FRMD4A: variants seen among roughly 807,000 people sequenced by gnomAD.
The protein encoded by FRMD4A is FERM domain-containing protein 4A.
Under a neutral mutation model 129.1 loss-of-function variants are expected in FRMD4A, and 29 were observed. The observed-to-expected ratio is 0.22, with a 90% CI of 0.17 to 0.31. The LOEUF (loss-of-function observed/expected upper bound fraction) is 0.31, where lower values mean the gene tolerates loss of function less well. FRMD4A is among the 10% of genes least tolerant of loss of function. FRMD4A has a pLI of 1.00. For missense variants in FRMD4A, 1,272 were observed against 1,375.8 expected (o/e 0.92, Z 1.19); for synonymous variants, 634 against 571.6 (o/e 1.11, Z -1.56).
intron 2 of FRMD4A, among the ~76,000 whole-genome samples, chr10:14,035,362 A>G (rs1833448191): frequency 6.6e-6 from 1 of 151,866 alleles, no homozygotes; most frequent in Non-Finnish European, 1.5e-5. Context: ...CAGTGAGCCA[A>G]GATCACGCCA....
chr10:14,327,588 G>A (rs1460758439), intron 2 of FRMD4A, among the ~76,000 whole-genome samples: 3 of 152,202 alleles, frequency 2.0e-5, no homozygotes, highest in African/African-American at 4.8e-5. Flanking sequence ...GGCCGCTTCT[G>A]TAACCAATTA....
chr10:13,851,908 A>G (rs1175818101), intron 3 of FRMD4A, among the ~76,000 whole-genome samples: 1 of 147,588 alleles, frequency 6.8e-6, no homozygotes, highest in African/African-American at 2.5e-5. Flanking sequence ...CAAAAATTAA[A>G]AAAAAAAAAA....
intron 2 of FRMD4A, among the ~76,000 whole-genome samples, chr10:13,869,386 C>A (rs1391096235): frequency 3.3e-5 from 5 of 152,228 alleles, no homozygotes. Context: ...GAGGTGGGTG[C>A]ACTTTCCACC....
chr10:13,758,542 C>T lies in FRMD4A; in HGVS notation c.464+3105G>A, dbSNP rs554539648. On this transcript the variant is annotated intron_variant, in intron 8 of 24. Coordinates refer to ENST00000357447, the MANE Select transcript of FRMD4A (RefSeq NM_018027.5). Reference sequence around the variant, plus strand: ...TAAGGAAACCTGCACAGGGTCTTGCCCGGGCGTGCCTGCAAGGGACTGGGG... The same window carrying T: ...TAAGGAAACCTGCACAGGGTCTTGCTCGGGCGTGCCTGCAAGGGACTGGGG... Among the ~76,000 whole-genome samples, 3 of 152,258 alleles carry T rather than the reference C, an allele frequency of 2.0e-5. No individual in the cohort carries two copies. The East Asian group carries it at 5.8e-4, about 29-fold the overall frequency.
intron 15 of FRMD4A, chr10:13,684,483 T>G: frequency 4.1e-6 from 4 of 985,260 alleles, no homozygotes; most frequent in Non-Finnish European, 4.8e-6. Context: ...CAGCTGGGTG[T>G]GGAGGAGCGG....
chr10:14,107,315 T>C (rs1837638321), intron 2 of FRMD4A, among the ~76,000 whole-genome samples: 1 of 152,154 alleles, frequency 6.6e-6, no homozygotes, highest in Non-Finnish European at 1.5e-5. Context: ...AATATACCTG[T>C]GTAACAAACC....
At chr10:14,018,179 G>A (rs2095705030) in intron 2 of FRMD4A, among the ~76,000 whole-genome samples, 1 of 151,942 alleles carries the variant, frequency 6.6e-6, no homozygotes, top group Admixed American at 6.6e-5. Context: ...GGGTGCAGTG[G>A]CTCACATCTG....
chr10:14,241,505 A>G (rs1017642669), intron 2 of FRMD4A, among the ~76,000 whole-genome samples: 1 of 152,000 alleles, frequency 6.6e-6, no homozygotes, highest in African/African-American at 2.4e-5. Context: ...TTTATTTTTA[A>G]TTCTTGGTTA....
intron 9 of FRMD4A, 134 bp downstream of exon 9, chr10:13,747,602 C>T: frequency 2.2e-6 from 1 of 445,572 alleles, no homozygotes; most frequent in Non-Finnish European, 4.0e-6. Context: ...TTCAGGAAGA[C>T]ACAGGGTACT....
chr10:13,908,519 A>T (rs1263474487), intron 2 of FRMD4A, among the ~76,000 whole-genome samples: 1 of 152,252 alleles, frequency 6.6e-6, no homozygotes, highest in African/African-American at 2.4e-5. Flanking sequence ...AGATTTATCA[A>T]TATGAGTGTT....
chr10:13,670,665 G>A, intron 16 of FRMD4A, 137 bp from the exon 17 acceptor site: 2 of 741,302 alleles, frequency 2.7e-6, no homozygotes, highest in Non-Finnish European at 4.4e-6. Flanking sequence ...GCTTATGCTA[G>A]AAATGTTCAC....
intron 2 of FRMD4A, among the ~76,000 whole-genome samples, chr10:13,881,382 C>T (rs769397304): frequency 1.3e-5 from 2 of 152,010 alleles, no homozygotes; most frequent in African/African-American, 2.4e-5. Context: ...ATGATTGCAC[C>T]ACTGCACTCC....
intron 2 of FRMD4A, among the ~76,000 whole-genome samples, chr10:13,970,293 C>A (rs1298876967): frequency 2.1e-5 from 3 of 145,476 alleles, no homozygotes; most frequent in South Asian, 2.1e-4. Flanking sequence ...GGGTCTACCC[C>A]CCGCCTGCCC....
intron 2 of FRMD4A, among the ~76,000 whole-genome samples, chr10:14,263,639 G>T (rs928427907): frequency 1.3e-5 from 2 of 152,168 alleles, no homozygotes; most frequent in Non-Finnish European, 2.9e-5. Flanking sequence ...TAGAGGTGAA[G>T]CCATCAAGGA....
intron 4 of FRMD4A, among the ~76,000 whole-genome samples, chr10:13,802,940 G>A (rs887614879): frequency 6.6e-6 from 1 of 152,118 alleles, no homozygotes; most frequent in Non-Finnish European, 1.5e-5. Context: ...CTGAAGCCAG[G>A]AGTTCGAGAC....
chr10:13,669,595 A>C (rs2083349969), intron 17 of FRMD4A, among the ~76,000 whole-genome samples: 1 of 152,188 alleles, frequency 6.6e-6, no homozygotes, highest in Non-Finnish European at 1.5e-5. Flanking sequence ...CCCTGGCTCT[A>C]AGTCCTGACC....
chr10:13,934,744 A>T (rs895889530), intron 2 of FRMD4A, among the ~76,000 whole-genome samples: 1 of 152,220 alleles, frequency 6.6e-6, no homozygotes, highest in Admixed American at 6.5e-5. Flanking sequence ...ATAAACTAGA[A>T]ATGGAACACA....
At chr10:14,094,712 G>C (rs1480954329) in intron 2 of FRMD4A, among the ~76,000 whole-genome samples, 1 of 152,206 alleles carries the variant, frequency 6.6e-6, no homozygotes, top group Non-Finnish European at 1.5e-5. Flanking sequence ...TGGTGACTCT[G>C]TTCTGTCCAG....
chr10:13,982,145 CT>C lies in FRMD4A; in HGVS notation c.46-123234del, dbSNP rs201974141. On this transcript the variant is annotated intron_variant, in intron 2 of 24. Coordinates refer to ENST00000357447, the MANE Select transcript of FRMD4A (RefSeq NM_018027.5). ...CCAGCCATAAAACCTAAAAATGTCA[CT>C]TGAAATTTCCCCTTTTACATCTTTC... Among the ~76,000 whole-genome samples the C allele has an allele frequency of 5.6e-3, 857 of 152,160 alleles. 13 individuals are homozygous for C. The highest frequency in any genetic ancestry group is 0.019 in the African/African-American group (792 of 41,508).
Sources: gnomAD v4.1 joint callset for allele counts (sites outside exome capture counted in the v4.1 genomes callset) on GRCh38, gnomAD v4.1.1 for gene constraint, MANE v1.5 for transcripts, NCBI Gene and HGNC (gene_info 2026-07-23, HGNC 2026-07-21) for gene names.